DPYD: variants seen among roughly 807,000 people sequenced by gnomAD.
DPYD encodes dihydropyrimidine dehydrogenase, also known as dihydropyrimidine dehydrogenase [NADP(+)].
In DPYD, 109 loss-of-function variants were observed where a neutral mutation model predicts 116.2. That is an observed-to-expected ratio of 0.94 (90% CI 0.80 to 1.10). DPYD has a LOEUF of 1.10. Among genes scored for constraint, DPYD ranks in the 50% least tolerant of loss-of-function variants. The pLI is 0.00. For synonymous variants in DPYD, 440 were observed against 432.0 expected (o/e 1.02, Z -0.23); for missense variants, 1,302 against 1,254.5 (o/e 1.04, Z -0.57).
At chr1:97,139,259 T>C (rs1018635525) in intron 20 of DPYD, among the ~76,000 whole-genome samples, 7 of 152,162 alleles carry the variant, frequency 4.6e-5, no homozygotes, top group African/African-American at 1.4e-4. Flanking sequence ...TCATTTCTGA[T>C]GCTGTAGCTG....
chr1:97,290,690 A>C (rs1184429582), intron 18 of DPYD, among the ~76,000 whole-genome samples: 1 of 152,102 alleles, frequency 6.6e-6, no homozygotes, highest in Non-Finnish European at 1.5e-5. Context: ...TTAATTCAAG[A>C]TAGATTAAAG....
chr1:97,872,650 T>A (rs111978982), intron 2 of DPYD, among the ~76,000 whole-genome samples: 1 of 151,960 alleles, frequency 6.6e-6, no homozygotes, highest in Non-Finnish European at 1.5e-5. Context: ...TAAAGAGGGA[T>A]ACTAATATAT....
intron 19 of DPYD, among the ~76,000 whole-genome samples, chr1:97,209,552 T>C (rs1659899967): frequency 6.6e-6 from 1 of 152,192 alleles, no homozygotes; most frequent in Non-Finnish European, 1.5e-5. Context: ...GTGATTAAAC[T>C]GATTTTTTGC....
At chr1:97,555,309 A>G (rs1651613026) in intron 11 of DPYD, among the ~76,000 whole-genome samples, 1 of 152,060 alleles carries the variant, frequency 6.6e-6, no homozygotes, top group African/African-American at 2.4e-5. Flanking sequence ...GTCAGAAATC[A>G]TAGTCATTTA....
intron 2 of DPYD, among the ~76,000 whole-genome samples, chr1:97,848,246 T>C (rs1343661978): frequency 1.3e-5 from 2 of 152,218 alleles, no homozygotes; most frequent in East Asian, 1.9e-4. Flanking sequence ...TATAGGCGCC[T>C]GCCACCACGG....
chr1:97,299,553 G>A (rs1346569308), intron 18 of DPYD, among the ~76,000 whole-genome samples: 1 of 152,140 alleles, frequency 6.6e-6, no homozygotes, highest in Non-Finnish European at 1.5e-5. Context: ...CCTAAGGAAA[G>A]GATGTAGACC....
chr1:97,817,980 C>A (rs2101429773), intron 3 of DPYD, among the ~76,000 whole-genome samples: 1 of 152,146 alleles, frequency 6.6e-6, no homozygotes, highest in East Asian at 1.9e-4. Context: ...CTTAGCTCTG[C>A]ACTTTTCTTT....
chr1:97,157,963 A>G (rs900533570), intron 20 of DPYD, among the ~76,000 whole-genome samples: 1 of 152,140 alleles, frequency 6.6e-6, no homozygotes, highest in Non-Finnish European at 1.5e-5. Flanking sequence ...ATAATCAGGC[A>G]TCACATATTT....
chr1:97,116,466 A>T (rs1470930550), intron 20 of DPYD, among the ~76,000 whole-genome samples: 1 of 152,136 alleles, frequency 6.6e-6, no homozygotes, highest in African/African-American at 2.4e-5. Flanking sequence ...TGAGCCCAGG[A>T]GTTGAAAACC....
chr1:97,287,009 T>G lies in DPYD; in HGVS notation c.2299+18250A>C, dbSNP rs1293586276. ...AGGAGAGGCACTCTGCTTTTTAGAG[T>G]TTCCAGTTTTTCTGCTCTGTTTTTT... On this transcript the variant is annotated intron_variant, in intron 18 of 22. Coordinates refer to ENST00000370192, the MANE Select transcript of DPYD (RefSeq NM_000110.4). Among the ~76,000 whole-genome samples the G allele has an allele frequency of 3.3e-5, 5 of 152,132 alleles. No homozygotes were observed. The East Asian group carries it at 9.6e-4, about 29-fold the overall frequency.
intron 3 of DPYD, among the ~76,000 whole-genome samples, chr1:97,745,789 C>A (rs1664515359): frequency 6.6e-6 from 1 of 151,954 alleles, no homozygotes; most frequent in Non-Finnish European, 1.5e-5. Flanking sequence ...GAGGAAATAA[C>A]TAAAACACAT....
chr1:97,482,861 C>A (rs529399906), intron 13 of DPYD, among the ~76,000 whole-genome samples: 2 of 152,108 alleles, frequency 1.3e-5, no homozygotes, highest in Non-Finnish European at 2.9e-5. Context: ...TCTCCTCCAA[C>A]TTCCTAAAAT....
At chr1:97,461,049 A>G (rs180962897) in intron 13 of DPYD, among the ~76,000 whole-genome samples, 140 of 151,998 alleles carry the variant, frequency 9.2e-4, no homozygotes, top group Non-Finnish European at 1.2e-3. Context: ...AAAAAAAAAA[A>G]AAAGAAAGAA....
intron 16 of DPYD, among the ~76,000 whole-genome samples, chr1:97,353,741 T>C (rs1356658641): frequency 6.7e-6 from 1 of 148,442 alleles, no homozygotes; most frequent in African/African-American, 2.5e-5. Flanking sequence ...TCAGCAATCA[T>C]TTTCCAGAAA....
chr1:97,431,389 G>A (rs1675169406), intron 14 of DPYD, among the ~76,000 whole-genome samples: 1 of 152,162 alleles, frequency 6.6e-6, no homozygotes, highest in Non-Finnish European at 1.5e-5. Flanking sequence ...GATGGCCAAG[G>A]AAGGCCACTG....
At chr1:97,375,469 T>C (rs766971715) in intron 15 of DPYD, among the ~76,000 whole-genome samples, 9 of 152,342 alleles carry the variant, frequency 5.9e-5, no homozygotes, top group Middle Eastern at 3.4e-3. Context: ...CATTTGATCA[T>C]TGAGCCTGTT....
intron 16 of DPYD, among the ~76,000 whole-genome samples, chr1:97,360,031 C>T (rs1159628128): frequency 2.6e-5 from 4 of 151,900 alleles, no homozygotes; most frequent in African/African-American, 9.7e-5. Context: ...ATATTCAAGA[C>T]CCATCAGTGT....
chr1:97,289,204 C>G (rs1339669653), intron 18 of DPYD, among the ~76,000 whole-genome samples: 1 of 151,912 alleles, frequency 6.6e-6, no homozygotes, highest in African/African-American at 2.4e-5. Flanking sequence ...AATAGCTTAC[C>G]AACCAAAAAG....
At chr1:97,874,057 T>G (rs1051017854) in intron 2 of DPYD, among the ~76,000 whole-genome samples, 1 of 152,010 alleles carries the variant, frequency 6.6e-6, no homozygotes, top group African/African-American at 2.4e-5. Context: ...GTTCATCAAC[T>G]AATTTAGTTA....
Sources: allele counts gnomAD v4.1 joint callset (sites outside exome capture counted in the v4.1 genomes callset), GRCh38; gene constraint gnomAD v4.1.1; transcripts MANE v1.5; gene names NCBI Gene and HGNC (gene_info 2026-07-23, HGNC 2026-07-21).